GTF2IRD2: variants seen among roughly 807,000 people sequenced by gnomAD.
GTF2IRD2 encodes GTF2I repeat domain containing 2, also known as general transcription factor II-I repeat domain-containing protein 2A.
GTF2IRD2 carries 8 observed loss-of-function variants against 49.2 expected under a neutral mutation model. That is an observed-to-expected ratio of 0.16 (90% confidence interval 0.10 to 0.29). The LOEUF is 0.29. Ranked by LOEUF, GTF2IRD2 falls within the 10% of genes least tolerant of loss-of-function variation. GTF2IRD2 has a pLI of 1.00. For missense variants in GTF2IRD2, 130 were observed against 725.7 expected, an observed-to-expected ratio of 0.18 and a Z score of 9.43; for synonymous variants, 47 against 289.7, an observed-to-expected ratio of 0.16 and a Z score of 8.51.
At chr7:74,818,471 T>C in intron 8 of GTF2IRD2, among the ~76,000 whole-genome samples, 1 of 141,774 alleles carries the variant, frequency 7.1e-6, no homozygotes, top group Non-Finnish European at 1.5e-5. Context: ...TTTTTTTTTT[T>C]TTTTTTGAGA....
In GTF2IRD2 at chr7:74,808,626, T is replaced by G. The variant is rs1797928930; in HGVS notation, c.871+482A>C. On this transcript the variant is annotated intron_variant, in intron 11 of 15. Coordinates refer to ENST00000451013, the MANE Select transcript of GTF2IRD2 (RefSeq NM_173537.5). Reference sequence around the variant, plus strand: ...TTTTCTTTTCTTTCTAATTTTTTTTTGCACAGCTAATTATGTTGTCTACAA... The same window carrying G: ...TTTTCTTTTCTTTCTAATTTTTTTTGGCACAGCTAATTATGTTGTCTACAA... Among the ~76,000 whole-genome samples, 3 of 75,968 alleles carry G rather than the reference T, an allele frequency of 3.9e-5. 1 individual carries two copies. The South Asian group carries it at 1.7e-3, about 43-fold the overall frequency. The allele number at this position is 75,968 out of a possible 152,430, so 49.8% of individuals were successfully genotyped here.
At chr7:74,822,319 G>C (rs1798976995) in intron 6 of GTF2IRD2, 108 bp downstream of exon 6, 1 of 1,067,904 alleles carries the variant, frequency 9.4e-7, no homozygotes, top group African/African-American at 1.7e-5. Context: ...CAAAGTGCTG[G>C]GATTACAGGT....
At chr7:74,841,682 T>C (rs1436662224) in intron 1 of GTF2IRD2, among the ~76,000 whole-genome samples, 1 of 143,240 alleles carries the variant, frequency 7.0e-6, no homozygotes, top group Non-Finnish European at 1.5e-5. Context: ...TCCCCTCAAC[T>C]TAAAATCCAA....
rs782068970 is a variant in GTF2IRD2 at position 74,818,458 on chromosome 7, CT to C, written c.670+1095del. ...ATTAGAAGGCTCCCTCTCTCTCTCTCTTTTTTTTTTTTTTTTTTTGAGACAA... is the reference window on the plus strand; with the variant it reads ...ATTAGAAGGCTCCCTCTCTCTCTCTCTTTTTTTTTTTTTTTTTTGAGACAA... On this transcript the variant is annotated intron_variant, in intron 8 of 15. Transcript: ENST00000451013. Among the ~76,000 whole-genome samples, 943 of 129,422 alleles carry C rather than the reference CT, an allele frequency of 7.3e-3. 23 individuals are homozygous for C. Among genetic ancestry groups the C allele is most frequent in the African/African-American group, 0.024 (779 of 32,962 alleles). 84.9% of individuals were successfully genotyped at this position (129,422 alleles called of 152,430 possible).
At chr7:74,822,869 G>GTTTGTT (rs1799043722) in intron 4 of GTF2IRD2, 62 bp from the exon 5 acceptor site, 1 of 1,534,090 alleles carries the variant, frequency 6.5e-7, no homozygotes, top group Non-Finnish European at 8.8e-7. Context: ...GTTTTTTTTT[G>GTTTGTT]TTTGTTTTTT....
chr7:74,822,328 G>C (rs1264546583), intron 6 of GTF2IRD2, 99 bp downstream of exon 6: 1 of 922,098 alleles, frequency 1.1e-6, no homozygotes, highest in Non-Finnish European at 1.7e-6. Context: ...GGGATTACAG[G>C]TGTGAGCCAT....
chr7:74,825,887 G>T (rs1184787687), intron 3 of GTF2IRD2, among the ~76,000 whole-genome samples: 1 of 149,198 alleles, frequency 6.7e-6, no homozygotes, highest in African/African-American at 2.5e-5. Context: ...TGCAAGTTCT[G>T]CCTCCCGGGT....
At position 74,796,545 on chromosome 7, in the gene GTF2IRD2, GA is replaced by G. The variant is rs1796970605; in HGVS notation, c.*116del. 1.5e-6 allele frequency: 1 copy of G among 671,066 alleles called. No individual in the cohort carries two copies. Among genetic ancestry groups the G allele is most frequent in the African/African-American group, 1.8e-5 (1 of 55,338 alleles). 41.6% of individuals were successfully genotyped at this position (671,066 alleles called of 1,614,324 possible). On this transcript the variant is annotated 3_prime_UTR_variant, in exon 16 of 16. Coordinates refer to ENST00000451013, the MANE Select transcript of GTF2IRD2 (RefSeq NM_173537.5). ...CCACTGCACTCCAACCTGGGCGACAGAGCAAGACTCCATCTCAAAAAAGAAA... is the reference window on the plus strand; with the variant it reads ...CCACTGCACTCCAACCTGGGCGACAGGCAAGACTCCATCTCAAAAAAGAAA...
chr7:74,831,343 A>G lies in GTF2IRD2; in HGVS notation c.238+1462T>C. Among the ~76,000 whole-genome samples, 2 of 150,476 alleles carry G rather than the reference A, an allele frequency of 1.3e-5. 1 individual carries two copies. On this transcript the variant is annotated intron_variant, in intron 3 of 15. Transcript: ENST00000451013. ...AATTCCTCTCTCTTATCTATCATCT[A>G]TCCATTTATCTAATCTGTCTATATA...
intron 8 of GTF2IRD2, among the ~76,000 whole-genome samples, chr7:74,815,563 C>G (rs1798431263): frequency 9.6e-6 from 1 of 103,808 alleles, no homozygotes; most frequent in African/African-American, 3.1e-5. Context: ...CCAGCCTGGG[C>G]AACACGGTGA....
intron 4 of GTF2IRD2, among the ~76,000 whole-genome samples, chr7:74,823,835 ACAT>A (rs1799129772): frequency 7.0e-6 from 1 of 142,936 alleles, no homozygotes; most frequent in Non-Finnish European, 1.5e-5. Flanking sequence ...TCCAAGATCC[ACAT>A]CATCTTCTAT....
chr7:74,831,145 T>C (rs587691890), intron 3 of GTF2IRD2, among the ~76,000 whole-genome samples: 3 of 151,206 alleles, frequency 2.0e-5, no homozygotes, highest in African/African-American at 7.3e-5. Flanking sequence ...AGACCTTAAT[T>C]TGGGATCTCG....
Position 74,809,177 on chromosome 7 carries a change from GA to G in GTF2IRD2, c.806-5del. The G allele has an allele frequency of 3.9e-4, 6 of 15,202 alleles. No individual in the cohort carries two copies. The highest frequency in any genetic ancestry group is 5.4e-4 in the Non-Finnish European group (5 of 9,184). 0.9% of individuals were successfully genotyped at this position (15,202 alleles called of 1,614,324 possible). ...GAAGGGACCAGCGGAGTGGAATCTTGAAAAAAAAATGTCTAAAATGACATTC... is the reference window on the plus strand; with the variant it reads ...GAAGGGACCAGCGGAGTGGAATCTTGAAAAAAAATGTCTAAAATGACATTC... On this transcript the variant is annotated splice_polypyrimidine_tract_variant and splice_region_variant and intron_variant, in intron 10 of 15. Transcript: ENST00000451013.
chr7:74,825,831 C>T (rs1193213056), intron 3 of GTF2IRD2, among the ~76,000 whole-genome samples: 2 of 142,256 alleles, frequency 1.4e-5, no homozygotes, highest in Non-Finnish European at 3.0e-5. Context: ...GACAGAGTCT[C>T]GCTGTGTCAC....
intron 3 of GTF2IRD2, among the ~76,000 whole-genome samples, chr7:74,831,500 T>TAC (rs1424504247): frequency 2.6e-5 from 3 of 113,246 alleles, no homozygotes; most frequent in South Asian, 2.8e-4. Flanking sequence ...CCTCTCTCTG[T>TAC]ACATACACAC....
At position 74,851,139 on chromosome 7, in the gene GTF2IRD2, GACC is replaced by G. The variant is rs1386095256; in HGVS notation, c.-6+225_-6+227del. 4.6e-5 allele frequency among the ~76,000 whole-genome samples: 2 copies of G among 43,108 alleles called. 1 individual carries two copies. Among genetic ancestry groups the G allele is most frequent in the Non-Finnish European group, 7.9e-5 (2 of 25,356 alleles). The allele number at this position is 43,108 out of a possible 152,430, so 28.3% of individuals were successfully genotyped here. A position where few individuals can be genotyped will look rare whatever the true frequency, so the allele number is the denominator to read the frequency against. On this transcript the variant is annotated intron_variant, in intron 1 of 15. Transcript: ENST00000451013. ...AGAGGGATGTGCGCTCCGTGCGTAC[GACC>G]ATTGCCCCCGCGGCAAGGCTTCCCC... is the stretch of plus-strand genomic sequence containing the variant.
At chr7:74,809,926 TG>T (rs1403007373) in intron 10 of GTF2IRD2, among the ~76,000 whole-genome samples, 4 of 44,398 alleles carry the variant, frequency 9.0e-5, no homozygotes, top group African/African-American at 2.9e-4. Flanking sequence ...CCCGAGTAGC[TG>T]GGATTACAGG....
At chr7:74,836,569 A>G (rs1208071431) in intron 1 of GTF2IRD2, among the ~76,000 whole-genome samples, 186 bp from the exon 2 acceptor site, 5 of 149,998 alleles carry the variant, frequency 3.3e-5, no homozygotes, top group African/African-American at 1.3e-4. Context: ...ATTTTATTTT[A>G]TTTTGTTTTA....
chr7:74,826,731 T>TTTTTTC (rs1293701454), intron 3 of GTF2IRD2, among the ~76,000 whole-genome samples: 1 of 95,300 alleles, frequency 1.0e-5, no homozygotes, highest in African/African-American at 5.0e-5. Context: ...TTTTTTTTTT[T>TTTTTTC]GAGAGAGTCT....
Sources: allele counts gnomAD v4.1 joint callset (sites outside exome capture counted in the v4.1 genomes callset), GRCh38; gene constraint gnomAD v4.1.1; transcripts MANE v1.5; gene names NCBI Gene and HGNC (gene_info 2026-07-23, HGNC 2026-07-21).